The following TMEM132D variants were observed in gnomAD, a reference collection of about 807,000 sequenced individuals.
TMEM132D encodes mature OL transmembrane protein.
TMEM132D carries 21 observed loss-of-function variants against 62.3 expected under a neutral mutation model. That is an observed-to-expected ratio of 0.34 (90% confidence interval 0.24 to 0.49). The LOEUF is 0.49. Ranked by LOEUF, TMEM132D falls within the 20% of genes least tolerant of loss-of-function variation. TMEM132D has a pLI of 0.99. For synonymous variants in TMEM132D, 621 were observed against 575.6 expected, an observed-to-expected ratio of 1.08 and a Z score of -1.13; for missense variants, 1,346 against 1,402.8, an observed-to-expected ratio of 0.96 and a Z score of 0.65.
intron 1 of TMEM132D, among the ~76,000 whole-genome samples, chr12:129,864,043 C>T (rs978831746): frequency 4.6e-5 from 7 of 152,164 alleles, no homozygotes; most frequent in African/African-American, 1.7e-4. Flanking sequence ...TTCTAAAGAA[C>T]AGCATGTAGC....
intron 3 of TMEM132D, among the ~76,000 whole-genome samples, chr12:129,367,262 CTGT>C (rs767205008): frequency 2.7e-4 from 41 of 152,194 alleles, no homozygotes; most frequent in Non-Finnish European, 4.9e-4. Context: ...CATTATCTGT[CTGT>C]CTGTCTATCC....
chr12:129,870,228 CCA>C (rs1399346422), intron 1 of TMEM132D, among the ~76,000 whole-genome samples: 1 of 152,062 alleles, frequency 6.6e-6, no homozygotes, highest in African/African-American at 2.4e-5. Flanking sequence ...AGAGATCCAC[CCA>C]CAGCAGCCTC....
chr12:129,699,589 T>C (rs769953586), intron 2 of TMEM132D, among the ~76,000 whole-genome samples: 2 of 152,224 alleles, frequency 1.3e-5, no homozygotes, highest in Non-Finnish European at 2.9e-5. Context: ...GCCCTATCAA[T>C]GGCTTGGAAA....
intron 4 of TMEM132D, among the ~76,000 whole-genome samples, chr12:129,323,759 A>G (rs1868799589): frequency 6.6e-6 from 1 of 152,328 alleles, no homozygotes; most frequent in South Asian, 2.1e-4. Context: ...TCAGGGTCAC[A>G]GTGCTAGCCA....
At chr12:129,092,244 C>T (rs1874946780) in intron 5 of TMEM132D, among the ~76,000 whole-genome samples, 1 of 148,270 alleles carries the variant, frequency 6.7e-6, no homozygotes, top group Non-Finnish European at 1.5e-5. Flanking sequence ...GAATTTAAAT[C>T]TTATTTAAAT....
At chr12:129,788,060 G>T (rs1380117856) in intron 1 of TMEM132D, among the ~76,000 whole-genome samples, 1 of 152,214 alleles carries the variant, frequency 6.6e-6, no homozygotes, top group Non-Finnish European at 1.5e-5. Flanking sequence ...GGGGCACAGG[G>T]ATGTACACAA....
At chr12:129,550,564 C>G (rs1876866246) in intron 2 of TMEM132D, among the ~76,000 whole-genome samples, 1 of 152,184 alleles carries the variant, frequency 6.6e-6, no homozygotes, top group East Asian at 1.9e-4. Context: ...GTGTTCCACT[C>G]TGTACAACAC....
intron 5 of TMEM132D, among the ~76,000 whole-genome samples, chr12:129,183,454 C>A (rs1878126045): frequency 6.6e-6 from 1 of 152,238 alleles, no homozygotes; most frequent in East Asian, 1.9e-4. Context: ...GCTCAACTCA[C>A]CCTTTCCTGC....
At chr12:129,825,277 C>G (rs965227417) in intron 1 of TMEM132D, among the ~76,000 whole-genome samples, 5 of 152,028 alleles carry the variant, frequency 3.3e-5, no homozygotes, top group South Asian at 4.2e-4. Context: ...CTTGGCCCCC[C>G]CAAACTGCTG....
chr12:129,411,719 C>T lies in TMEM132D; in HGVS notation c.1116-73902G>A, dbSNP rs1871972609. On this transcript the variant is annotated intron_variant, in intron 3 of 8. Transcript: ENST00000422113. ...TGATATTTCTGAGCCATAACCTTCT[C>T]TGAGGCTCTGAGGGGACAAAACATC... 2.0e-5 allele frequency among the ~76,000 whole-genome samples: 3 copies of T among 152,304 alleles called. No homozygotes were observed. The South Asian group carries it at 6.2e-4, about 32-fold the overall frequency.
intron 3 of TMEM132D, among the ~76,000 whole-genome samples, chr12:129,354,496 G>C (rs969253952): frequency 6.6e-6 from 1 of 151,972 alleles, no homozygotes; most frequent in African/African-American, 2.4e-5. Flanking sequence ...GTTAATTTTT[G>C]TATTTTTAGT....
chr12:129,318,309 T>C (rs1868558345), intron 4 of TMEM132D, among the ~76,000 whole-genome samples: 1 of 152,188 alleles, frequency 6.6e-6, no homozygotes, highest in South Asian at 2.1e-4. Context: ...AAGGCTGTTG[T>C]TCAGATTCTT....
intron 1 of TMEM132D, among the ~76,000 whole-genome samples, chr12:129,710,980 C>T (rs1441921783): frequency 6.6e-6 from 1 of 151,962 alleles, no homozygotes; most frequent in Non-Finnish European, 1.5e-5. Flanking sequence ...TGCCTCTCCC[C>T]TACCCACGCG....
At chr12:129,424,663 A>C (rs7308949) in intron 3 of TMEM132D, among the ~76,000 whole-genome samples, 2 of 139,646 alleles carry the variant, frequency 1.4e-5, no homozygotes, top group Non-Finnish European at 3.1e-5. Flanking sequence ...AGCTGAGATC[A>C]CGCCACTACA....
intron 1 of TMEM132D, among the ~76,000 whole-genome samples, chr12:129,722,361 C>A (rs888663262): frequency 6.6e-6 from 1 of 152,208 alleles, no homozygotes; most frequent in African/African-American, 2.4e-5. Flanking sequence ...GCTGGTGCCA[C>A]CCCAACCTGG....
chr12:129,545,650 G>A (rs987400054), intron 2 of TMEM132D, among the ~76,000 whole-genome samples: 4 of 152,084 alleles, frequency 2.6e-5, no homozygotes, highest in Non-Finnish European at 2.9e-5. Flanking sequence ...CAACCAACAC[G>A]CTACTCTCTG....
At chr12:129,211,423 C>T (rs1879043956) in intron 4 of TMEM132D, among the ~76,000 whole-genome samples, 1 of 152,126 alleles carries the variant, frequency 6.6e-6, no homozygotes, top group Non-Finnish European at 1.5e-5. Flanking sequence ...GTATCTATGT[C>T]ATTTTGAGAG....
chr12:129,819,955 C>T (rs763613251), intron 1 of TMEM132D, among the ~76,000 whole-genome samples: 1 of 152,108 alleles, frequency 6.6e-6, no homozygotes, highest in Non-Finnish European at 1.5e-5. Flanking sequence ...CGCACGTGCA[C>T]CGTGGACATG....
chr12:129,269,078 G>C (rs1880779254), intron 4 of TMEM132D, among the ~76,000 whole-genome samples: 1 of 151,484 alleles, frequency 6.6e-6, no homozygotes, highest in Non-Finnish European at 1.5e-5. Flanking sequence ...TAAATGACGA[G>C]TTAATGGGTG....
Sources: allele counts gnomAD v4.1 joint callset (sites outside exome capture counted in the v4.1 genomes callset), GRCh38; gene constraint gnomAD v4.1.1; transcripts MANE v1.5; gene names NCBI Gene and HGNC (gene_info 2026-07-23, HGNC 2026-07-21).